Variants in EPM2A observed in about 807,000 individuals in gnomAD.
EPM2A encodes EPM2A glucan phosphatase, laforin.
In EPM2A, 21 loss-of-function variants were observed where a neutral mutation model predicts 26.5. The observed-to-expected ratio is 0.79, with a 90% CI of 0.56 to 1.14. EPM2A has a LOEUF of 1.14. EPM2A is among the 50% of genes most tolerant of loss of function. The probability of loss-of-function intolerance (pLI) is 0.00; values close to 1 mark genes in which losing one functional copy is unlikely to be tolerated. For missense variants in EPM2A, 458 were observed against 440.8 expected, an observed-to-expected ratio of 1.04 and a Z score of -0.35; for synonymous variants, 217 against 177.6, an observed-to-expected ratio of 1.22 and a Z score of -1.76.
chr6:145,725,801 T>A (rs1007059622), intron 1 of EPM2A, among the ~76,000 whole-genome samples: 6 of 152,026 alleles, frequency 3.9e-5, no homozygotes, highest in African/African-American at 1.4e-4. Context: ...GAGGAGTTTC[T>A]AGGGAGGTGA....
intron 4 of EPM2A, among the ~76,000 whole-genome samples, chr6:145,429,006 G>C (rs187813292): frequency 1.2e-3 from 180 of 152,256 alleles, no homozygotes; most frequent in African/African-American, 4.0e-3. Flanking sequence ...AACCAAAAGC[G>C]CCAACTGAGC....
At chr6:145,514,916 C>A (rs1376582829) in intron 2 of EPM2A, among the ~76,000 whole-genome samples, 3 of 152,176 alleles carry the variant, frequency 2.0e-5, no homozygotes, top group African/African-American at 7.2e-5. Context: ...ACCTATGTCA[C>A]CTAGGTTGGC....
intron 2 of EPM2A, among the ~76,000 whole-genome samples, chr6:145,575,778 T>G (rs1781022702): frequency 1.3e-5 from 2 of 152,206 alleles, no homozygotes. Flanking sequence ...AAGTAGATCC[T>G]TAGCATTTTT....
At chr6:145,472,295 CCT>C (rs1779484222) in intron 4 of EPM2A, among the ~76,000 whole-genome samples, 1 of 151,686 alleles carries the variant, frequency 6.6e-6, no homozygotes, top group Admixed American at 6.6e-5. Flanking sequence ...CTGGTGAGCC[CCT>C]GAGACTTGCT....
intron 2 of EPM2A, among the ~76,000 whole-genome samples, chr6:145,599,468 C>T (rs1781388824): frequency 6.6e-6 from 1 of 151,484 alleles, no homozygotes. Context: ...TCTTGCAAGC[C>T]CATCATTGAA....
intron 2 of EPM2A, among the ~76,000 whole-genome samples, chr6:145,676,759 A>G (rs1780073244): frequency 6.6e-6 from 1 of 152,174 alleles, no homozygotes; most frequent in Admixed American, 6.5e-5. Flanking sequence ...TAGACCAATA[A>G]CAGGTTCTGA....
At chr6:145,507,333 A>G (rs1253934330) in intron 2 of EPM2A, among the ~76,000 whole-genome samples, 1 of 152,224 alleles carries the variant, frequency 6.6e-6, no homozygotes, top group Non-Finnish European at 1.5e-5. Context: ...AATTTGCAGG[A>G]ATAGCAAAGG....
At chr6:145,460,245 A>G (rs753590963) in intron 4 of EPM2A, among the ~76,000 whole-genome samples, 22 of 152,148 alleles carry the variant, frequency 1.4e-4, no homozygotes, top group Non-Finnish European at 2.5e-4. Flanking sequence ...TATGTTATTT[A>G]CCAAGAGTTC....
intron 2 of EPM2A, among the ~76,000 whole-genome samples, chr6:145,662,771 A>G (rs1778822586): frequency 6.6e-6 from 1 of 152,194 alleles, no homozygotes; most frequent in African/African-American, 2.4e-5. Context: ...CCGATCAGAT[A>G]TCAAGGATGG....
At chr6:145,534,899 C>T (rs1031334816) in intron 2 of EPM2A, among the ~76,000 whole-genome samples, 4 of 151,962 alleles carry the variant, frequency 2.6e-5, no homozygotes, top group African/African-American at 4.8e-5. Flanking sequence ...GTTTAGGTAC[C>T]ACCTCACCTC....
chr6:145,463,914 T>A (rs903174572), intron 4 of EPM2A, among the ~76,000 whole-genome samples: 18 of 152,084 alleles, frequency 1.2e-4, no homozygotes, highest in African/African-American at 3.9e-4. Flanking sequence ...CAAATTATAA[T>A]CCCCACCTGG....
intron 2 of EPM2A, chr6:145,638,120 G>A (rs570953839): frequency 1.3e-5 from 2 of 152,248 alleles, no homozygotes; most frequent in African/African-American, 4.8e-5. Flanking sequence ...TTTCATGACA[G>A]GCAAGCTAAA....
intron 2 of EPM2A, among the ~76,000 whole-genome samples, chr6:145,541,774 T>C (rs916071214): frequency 7.2e-5 from 11 of 152,152 alleles, no homozygotes; most frequent in Non-Finnish European, 5.9e-5. Context: ...GTATCTTTAA[T>C]TTTGATATAT....
intron 2 of EPM2A, among the ~76,000 whole-genome samples, chr6:145,657,091 T>A (rs1778351029): frequency 3.1e-5 from 1 of 32,662 alleles, no homozygotes; most frequent in African/African-American, 7.7e-5. Flanking sequence ...CATTTTTCCT[T>A]TTTTTTTTTT....
intron 2 of EPM2A, among the ~76,000 whole-genome samples, chr6:145,644,255 T>C (rs1777294684): frequency 6.6e-6 from 1 of 152,194 alleles, no homozygotes; most frequent in Non-Finnish European, 1.5e-5. Flanking sequence ...AAAATTCTAC[T>C]AACTATAGAT....
intron 4 of EPM2A, among the ~76,000 whole-genome samples, chr6:145,491,589 C>A (rs1779756565): frequency 6.6e-6 from 1 of 152,076 alleles, no homozygotes; most frequent in African/African-American, 2.4e-5. Context: ...GGATAGGGGG[C>A]AGGGCAGGGC....
At chr6:145,490,675 A>T (rs920502657) in intron 4 of EPM2A, 3 of 609,878 alleles carry the variant, frequency 4.9e-6, no homozygotes, top group Non-Finnish European at 9.5e-6. Flanking sequence ...GTGTGATTTC[A>T]TGCGTTCCTT....
chr6:145,545,789 C>T (rs1343777478), intron 2 of EPM2A, among the ~76,000 whole-genome samples: 1 of 152,104 alleles, frequency 6.6e-6, no homozygotes, highest in African/African-American at 2.4e-5. Context: ...GCCATACTAA[C>T]TTCAGTTATA....
intron 2 of EPM2A, among the ~76,000 whole-genome samples, chr6:145,596,327 T>G (rs986879766): frequency 6.6e-6 from 1 of 152,198 alleles, no homozygotes; most frequent in African/African-American, 2.4e-5. Context: ...CACCTTCTAC[T>G]TCTTCCACTA....
Sources: allele counts gnomAD v4.1 joint callset (sites outside exome capture counted in the v4.1 genomes callset), GRCh38; gene constraint gnomAD v4.1.1; transcripts MANE v1.5; gene names NCBI Gene and HGNC (gene_info 2026-07-23, HGNC 2026-07-21).